GLCE: variants seen among roughly 807,000 people sequenced by gnomAD.
The protein encoded by GLCE is glucuronic acid epimerase, also known as D-glucuronyl C5-epimerase.
GLCE carries 19 observed loss-of-function variants against 47.9 expected under a neutral mutation model. The observed-to-expected ratio is 0.40, with a 90% CI of 0.28 to 0.58. The LOEUF is 0.58. Among genes scored for constraint, GLCE ranks in the 20% least tolerant of loss-of-function variants. The pLI, the probability that GLCE is intolerant of heterozygous loss-of-function variation, is 0.48. For missense variants in GLCE, 556 were observed against 743.3 expected, an observed-to-expected ratio of 0.75 and a Z score of 2.93; for synonymous variants, 245 against 263.4, an observed-to-expected ratio of 0.93 and a Z score of 0.68.
chr15:69,229,280 A>C lies in GLCE; in HGVS notation c.-14+18874A>C, dbSNP rs538447502. ...TGACAGAGCTAAAATGAGTATGGCC[A>C]CAAATTTCATTTCTCTAGAAGCTAA... On this transcript the variant is annotated intron_variant, in intron 2 of 4. Coordinates refer to ENST00000261858, the MANE Select transcript of GLCE (RefSeq NM_015554.3). Among the ~76,000 whole-genome samples the C allele has an allele frequency of 1.6e-3, 248 of 152,364 alleles. 4 individuals carry two copies. Among genetic ancestry groups the C allele is most frequent in the East Asian group, 9.6e-4 (5 of 5,192 alleles).
chr15:69,263,307 T>C (rs1192876110), intron 4 of GLCE, among the ~76,000 whole-genome samples: 1 of 152,094 alleles, frequency 6.6e-6, no homozygotes, highest in Non-Finnish European at 1.5e-5. Flanking sequence ...TTAGAGGATA[T>C]AGACCTCATG....
chr15:69,237,369 T>G (rs112131060), intron 2 of GLCE, among the ~76,000 whole-genome samples: 1,798 of 152,156 alleles, frequency 0.012, 41 homozygotes, highest in African/African-American at 0.041. Flanking sequence ...CCAAGGCAGG[T>G]GGATCACCTG....
In GLCE at chr15:69,256,357, T is replaced by G; in HGVS notation, c.551T>G (p.Val184Gly). Residue 184 changes from valine (V) to glycine (G), a missense_variant, in exon 3 of 5, where the codon GTC becomes GGC. By Grantham distance (109) the Val-to-Gly change is moderately radical (BLOSUM62 -3). Transcript: ENST00000261858. Reference protein sequence around the residue: ...FMSFEGYNVEVRDRVKCISGV... With the variant: ...FMSFEGYNVEGRDRVKCISGV... ...TCTTTTGAAGGCTACAATGTGGAAG[T>G]CCGAGACAGAGTCAAGTGCATAAGT... 2 of 1,613,348 alleles carry G rather than the reference T, an allele frequency of 1.2e-6. No individual in the cohort carries two copies. Among genetic ancestry groups the G allele is most frequent in the Non-Finnish European group, 1.7e-6 (2 of 1,179,784 alleles).
chr15:69,179,713 A>G (rs2051723984), intron 1 of GLCE, among the ~76,000 whole-genome samples: 1 of 152,216 alleles, frequency 6.6e-6, no homozygotes, highest in Non-Finnish European at 1.5e-5. Flanking sequence ...GGCTGTGTGC[A>G]GTGGCTCATG....
chr15:69,231,429 G>A (rs944448147), intron 2 of GLCE, among the ~76,000 whole-genome samples: 15 of 151,698 alleles, frequency 9.9e-5, no homozygotes, highest in African/African-American at 2.7e-4. Context: ...GACTACAGGC[G>A]CCCGCCACCA....
At chr15:69,204,546 A>G (rs1595753568) in intron 1 of GLCE, among the ~76,000 whole-genome samples, 1 of 152,118 alleles carries the variant, frequency 6.6e-6, no homozygotes, top group African/African-American at 2.4e-5. Context: ...TGGCCTCCCA[A>G]AGTCCTGGGA....
intron 1 of GLCE, among the ~76,000 whole-genome samples, chr15:69,191,032 A>G (rs779264484): frequency 3.9e-5 from 6 of 152,112 alleles, no homozygotes; most frequent in African/African-American, 9.7e-5. Flanking sequence ...TTACTTCTGT[A>G]TTTGTTAAAA....
chr15:69,228,350 G>A (rs2052477312), intron 2 of GLCE, among the ~76,000 whole-genome samples: 2 of 152,150 alleles, frequency 1.3e-5, no homozygotes, highest in Non-Finnish European at 1.5e-5. Context: ...AAAGTGGGAA[G>A]GGTATACATA....
chr15:69,203,924 A>T (rs2052111715), intron 1 of GLCE, among the ~76,000 whole-genome samples: 1 of 152,120 alleles, frequency 6.6e-6, no homozygotes, highest in Non-Finnish European at 1.5e-5. Context: ...AGTTGGCTAA[A>T]TATGATTTTT....
intron 2 of GLCE, among the ~76,000 whole-genome samples, chr15:69,217,886 T>C (rs1034924569): frequency 6.6e-6 from 1 of 152,198 alleles, no homozygotes; most frequent in African/African-American, 2.4e-5. Flanking sequence ...CCAGGCGCGG[T>C]GGCTCATGCC....
At chr15:69,167,825 T>TC (rs1257293386) in intron 1 of GLCE, among the ~76,000 whole-genome samples, 1 of 141,698 alleles carries the variant, frequency 7.1e-6, no homozygotes, top group South Asian at 2.1e-4. Context: ...TGGGAAAAGT[T>TC]TTTTTTTTTT....
At chr15:69,171,676 G>A (rs1299970882) in intron 1 of GLCE, among the ~76,000 whole-genome samples, 3 of 152,244 alleles carry the variant, frequency 2.0e-5, no homozygotes, top group East Asian at 1.9e-4. Context: ...GATTACAGGC[G>A]TGAGCCACCG....
At chr15:69,253,283 C>T (rs193294679) in intron 2 of GLCE, among the ~76,000 whole-genome samples, 35 of 152,300 alleles carry the variant, frequency 2.3e-4, no homozygotes, top group African/African-American at 7.7e-4. Context: ...GAGAAAACAC[C>T]ATCTTCTTTC....
Position 69,256,303 on chromosome 15 carries a change from C to G in GLCE, c.497C>G (p.Ala166Gly), listed in dbSNP as rs1185987460. Residue 166 changes from alanine (A) to glycine (G), a missense_variant, in exon 3 of 5, where the codon GCC (alanine) becomes GGC (glycine). Transcript: ENST00000261858. ...HSYSKVYAQR[A>G]PYHPDGVFMS... Reference sequence around the variant, plus strand: ...TATTCCAAAGTCTATGCACAGAGAGCCCCCTATCACCCCGATGGTGTGTTT... The same window carrying G: ...TATTCCAAAGTCTATGCACAGAGAGGCCCCTATCACCCCGATGGTGTGTTT... The G allele has an allele frequency of 6.2e-7, 1 of 1,613,736 alleles. No individual in the cohort carries two copies. The highest frequency in any genetic ancestry group is 1.3e-5 in the African/African-American group (1 of 74,842).
At chr15:69,244,659 T>C (rs998994042) in intron 2 of GLCE, among the ~76,000 whole-genome samples, 1 of 152,228 alleles carries the variant, frequency 6.6e-6, no homozygotes, top group Non-Finnish European at 1.5e-5. Context: ...ATACTAGATA[T>C]GTGAACCATC....
chr15:69,235,623 G>C (rs1166215512), intron 2 of GLCE, among the ~76,000 whole-genome samples: 1 of 152,128 alleles, frequency 6.6e-6, no homozygotes, highest in Non-Finnish European at 1.5e-5. Context: ...AGATTGTCAA[G>C]CTTACCAGGA....
intron 1 of GLCE, among the ~76,000 whole-genome samples, chr15:69,201,010 C>CCT (rs2052070215): frequency 6.6e-6 from 1 of 151,988 alleles, no homozygotes; most frequent in Non-Finnish European, 1.5e-5. Context: ...GGCATGTGGC[C>CCT]CTCCTTCATC....
chr15:69,257,710 T>C (rs1344584130), intron 3 of GLCE, among the ~76,000 whole-genome samples: 2 of 152,144 alleles, frequency 1.3e-5, no homozygotes, highest in South Asian at 2.1e-4. Flanking sequence ...ACCACCTCAA[T>C]ATAATTATTA....
At chr15:69,179,482 T>C (rs1470282932) in intron 1 of GLCE, among the ~76,000 whole-genome samples, 3 of 152,178 alleles carry the variant, frequency 2.0e-5, no homozygotes, top group African/African-American at 7.2e-5. Flanking sequence ...GCACTCATTG[T>C]ATGTGTGTAA....
Sources: gnomAD v4.1 joint callset for allele counts (sites outside exome capture counted in the v4.1 genomes callset) on GRCh38, gnomAD v4.1.1 for gene constraint, MANE v1.5 for transcripts, NCBI Gene and HGNC (gene_info 2026-07-23, HGNC 2026-07-21) for gene names.